Variants in PPP1R12B observed in about 807,000 individuals in gnomAD.
PPP1R12B encodes protein phosphatase 1 regulatory subunit 12B, also known as myosin phosphatase target subunit 2.
In PPP1R12B, 76 loss-of-function variants were observed where a neutral mutation model predicts 126.1. The ratio of observed to expected loss-of-function variants is 0.60; its 90% CI spans 0.50 to 0.73. The LOEUF is 0.73. Ranked by LOEUF, PPP1R12B falls within the 30% of genes least tolerant of loss-of-function variation. The pLI, the probability that PPP1R12B is intolerant of heterozygous loss-of-function variation, is 0.00. For synonymous variants in PPP1R12B, 356 were observed against 434.7 expected, an observed-to-expected ratio of 0.82 and a Z score of 2.25; for missense variants, 1,052 against 1,205.1, an observed-to-expected ratio of 0.87 and a Z score of 1.88.
intron 1 of PPP1R12B, among the ~76,000 whole-genome samples, chr1:202,358,854 AG>A (rs1657618393): frequency 6.6e-6 from 1 of 152,224 alleles, no homozygotes; most frequent in East Asian, 1.9e-4. Flanking sequence ...ATAATCTGTT[AG>A]AATATTAATC....
At chr1:202,461,092 A>T (rs1304244892) in intron 13 of PPP1R12B, among the ~76,000 whole-genome samples, 1 of 151,986 alleles carries the variant, frequency 6.6e-6, no homozygotes, top group Non-Finnish European at 1.5e-5. Flanking sequence ...ATGGTGGCTG[A>T]CACCTGTAAT....
chr1:202,367,128 TTACACTACTTA>T (rs1389739196), intron 1 of PPP1R12B, among the ~76,000 whole-genome samples: 1 of 152,212 alleles, frequency 6.6e-6, no homozygotes, highest in Non-Finnish European at 1.5e-5. Flanking sequence ...GATCTTTACA[TTACACTACTTA>T]TAAGCCATTT....
intron 23 of PPP1R12B, among the ~76,000 whole-genome samples, chr1:202,577,654 G>T (rs901166903): frequency 5.9e-5 from 9 of 151,842 alleles, no homozygotes; most frequent in Non-Finnish European, 1.2e-4. Context: ...TACCAGAGGG[G>T]ACTCCCTTCC....
intron 18 of PPP1R12B, among the ~76,000 whole-genome samples, chr1:202,537,777 T>C (rs979298914): frequency 2.6e-5 from 4 of 152,204 alleles, no homozygotes; most frequent in Admixed American, 6.5e-5. Context: ...TGACTTTCAT[T>C]CAACATATCA....
At chr1:202,580,388 C>A in intron 23 of PPP1R12B, 86 bp from the exon 24 acceptor site, 2 of 989,996 alleles carry the variant, frequency 2.0e-6, no homozygotes, top group Non-Finnish European at 3.2e-6. Flanking sequence ...AAAGGCCCTG[C>A]TCACCAGGCT....
intron 8 of PPP1R12B, among the ~76,000 whole-genome samples, chr1:202,432,172 A>T (rs1251858551): frequency 6.6e-6 from 1 of 152,106 alleles, no homozygotes; most frequent in Non-Finnish European, 1.5e-5. Flanking sequence ...GAATCCTAAA[A>T]TCTTTTTTTT....
At chr1:202,434,347 A>C (rs112167418) in intron 8 of PPP1R12B, among the ~76,000 whole-genome samples, 81 of 152,334 alleles carry the variant, frequency 5.3e-4, no homozygotes, top group African/African-American at 1.8e-3. Flanking sequence ...AAACTGTAGA[A>C]AAGGATGAGA....
At chr1:202,395,093 G>A (rs1315835934) in intron 1 of PPP1R12B, among the ~76,000 whole-genome samples, 1 of 141,330 alleles carries the variant, frequency 7.1e-6, no homozygotes, top group Non-Finnish European at 1.5e-5. Flanking sequence ...CTCCAGCCTG[G>A]GCAACAAAGT....
intron 18 of PPP1R12B, among the ~76,000 whole-genome samples, chr1:202,507,681 T>C (rs1366753149): frequency 6.6e-6 from 1 of 152,248 alleles, no homozygotes; most frequent in Non-Finnish European, 1.5e-5. Context: ...ATTACTATGA[T>C]GACAATTTTA....
chr1:202,414,470 T>G (rs1204206204), intron 1 of PPP1R12B, among the ~76,000 whole-genome samples: 2 of 152,206 alleles, frequency 1.3e-5, no homozygotes, highest in Admixed American at 1.3e-4. Context: ...CTAAATACAT[T>G]TCATTATATA....
chr1:202,508,611 A>G lies in PPP1R12B; in HGVS notation c.2490+11789A>G, dbSNP rs1681085059. On this transcript the variant is annotated intron_variant, in intron 18 of 23. Coordinates refer to ENST00000608999, the MANE Select transcript of PPP1R12B (RefSeq NM_002481.4). The surrounding 1 kb of genome is among the most constrained non-coding windows in gnomAD (Gnocchi z 4.5). The stretch of plus-strand genomic sequence containing the variant: ...CAAATAAAACATTGTATACTTTAAG[A>G]TGGCATTTTAGGAGTTGGAGGACTT... Among the ~76,000 whole-genome samples, 2 of 152,234 alleles carry G rather than the reference A, an allele frequency of 1.3e-5. No individual in the cohort carries two copies. The highest frequency in any genetic ancestry group is 2.9e-5 in the Non-Finnish European group (2 of 68,046).
At chr1:202,460,374 T>C (rs899528887) in intron 13 of PPP1R12B, among the ~76,000 whole-genome samples, 5 of 152,246 alleles carry the variant, frequency 3.3e-5, no homozygotes, top group Non-Finnish European at 7.3e-5. Context: ...TAGGTAGTTA[T>C]ACCTACTAAT....
At chr1:202,454,170 A>ATTTGGAGAAACTTAGT (rs1250282341) in intron 13 of PPP1R12B, among the ~76,000 whole-genome samples, 1 of 152,230 alleles carries the variant, frequency 6.6e-6, no homozygotes, top group Admixed American at 6.5e-5. Flanking sequence ...ATGAACTGTT[A>ATTTGGAGAAACTTAGT]TTTGGAGAAA....
At chr1:202,450,142 A>G (rs1672758674) in intron 13 of PPP1R12B, among the ~76,000 whole-genome samples, 1 of 152,210 alleles carries the variant, frequency 6.6e-6, no homozygotes, top group African/African-American at 2.4e-5. Flanking sequence ...TCTGGCAGCA[A>G]AGAAAGGAAA....
At chr1:202,380,956 A>G (rs1265514675) in intron 1 of PPP1R12B, among the ~76,000 whole-genome samples, 1 of 152,182 alleles carries the variant, frequency 6.6e-6, no homozygotes, top group Non-Finnish European at 1.5e-5. Context: ...TTATAAAGCA[A>G]TTACTTCCTT....
Position 202,588,966 on chromosome 1 carries a change from G to T in PPP1R12B, c.*8406G>T, listed in dbSNP as rs1690006683. The T allele has an allele frequency of 6.6e-6, 1 of 152,098 alleles. No individual in the cohort carries two copies. The highest frequency in any genetic ancestry group is 2.1e-4 in the South Asian group (1 of 4,820). The allele number at this position is 152,098 out of a possible 1,614,324, so 9.4% of individuals were successfully genotyped here. A position where few individuals can be genotyped will look rare whatever the true frequency, so the allele number is the denominator to read the frequency against. On this transcript the variant is annotated 3_prime_UTR_variant, in exon 24 of 24. Transcript: ENST00000608999. ...TGACAAAGGTGTTGAGGCCATCCAG[G>T]TGAACACTAGCACACTCTAGTACAT...
chr1:202,363,367 C>T (rs957495312), intron 1 of PPP1R12B, among the ~76,000 whole-genome samples: 2 of 152,132 alleles, frequency 1.3e-5, no homozygotes, highest in Admixed American at 1.3e-4. Context: ...TTAATCTGTT[C>T]ATAGTAAAAG....
intron 12 of PPP1R12B, chr1:202,444,922 A>C: frequency 1.3e-6 from 1 of 782,448 alleles, no homozygotes. Flanking sequence ...TTCACTTCCC[A>C]GTTGTCATAC....
intron 13 of PPP1R12B, among the ~76,000 whole-genome samples, chr1:202,485,799 G>A (rs1678036272): frequency 6.6e-6 from 1 of 152,056 alleles, no homozygotes; most frequent in African/African-American, 2.4e-5. Flanking sequence ...CCCTTTTTGT[G>A]GAGAGGATGG....
Sources: allele counts gnomAD v4.1 joint callset (sites outside exome capture counted in the v4.1 genomes callset), GRCh38; gene constraint gnomAD v4.1.1; non-coding constraint Gnocchi (gnomAD v3.1); transcripts MANE v1.5; gene names NCBI Gene and HGNC (gene_info 2026-07-23, HGNC 2026-07-21).